SLC12A1: variants seen among roughly 807,000 people sequenced by gnomAD.
SLC12A1 encodes the protein solute carrier family 12 member 1.
SLC12A1 carries 89 observed loss-of-function variants against 130.4 expected under a neutral mutation model. That is an observed-to-expected ratio of 0.68 (90% confidence interval 0.58 to 0.81). SLC12A1 has a LOEUF of 0.81. SLC12A1 is among the 40% of genes least tolerant of loss of function. SLC12A1 has a pLI of 0.00. For synonymous variants in SLC12A1, 499 were observed against 460.0 expected (o/e 1.08, Z -1.09); for missense variants, 1,310 against 1,336.4 (o/e 0.98, Z 0.31).
intron 10 of SLC12A1, among the ~76,000 whole-genome samples, 170 bp downstream of exon 10, chr15:48,241,769 G>A (rs895996484): frequency 6.6e-6 from 1 of 152,154 alleles, no homozygotes; most frequent in Non-Finnish European, 1.5e-5. Context: ...GGGATTTGAA[G>A]GCAATTAAGC....
intron 9 of SLC12A1, among the ~76,000 whole-genome samples, chr15:48,240,024 T>C (rs1381721845): frequency 7.1e-5 from 3 of 42,196 alleles, no homozygotes; most frequent in Non-Finnish European, 1.6e-4. Flanking sequence ...TATATATATA[T>C]ATATCCATAT....
At chr15:48,278,854 G>T (rs1428795371) in intron 20 of SLC12A1, among the ~76,000 whole-genome samples, 1 of 152,134 alleles carries the variant, frequency 6.6e-6, no homozygotes, top group African/African-American at 2.4e-5. Flanking sequence ...CATCTGCCAA[G>T]ATGCACCATC....
At chr15:48,262,404 A>G (rs1033068834) in intron 17 of SLC12A1, among the ~76,000 whole-genome samples, 3 of 152,014 alleles carry the variant, frequency 2.0e-5, no homozygotes, top group African/African-American at 7.3e-5. Flanking sequence ...CAACTGCAGC[A>G]TGGTAAATCA....
At chr15:48,291,728 G>A (rs2042123292) in intron 23 of SLC12A1, 50 bp from the exon 24 acceptor site, 1 of 1,132,672 alleles carries the variant, frequency 8.8e-7, no homozygotes, top group African/African-American at 1.5e-5. Context: ...CTCTTTGATT[G>A]AAAATAGTTA....
chr15:48,247,320 CT>C lies in SLC12A1; in HGVS notation c.1561-16del. The C allele has an allele frequency of 6.3e-7, 1 of 1,594,438 alleles. No individual in the cohort carries two copies. The highest frequency in any genetic ancestry group is 8.5e-7 in the Non-Finnish European group (1 of 1,175,152). On this transcript the variant is annotated splice_polypyrimidine_tract_variant and intron_variant, in intron 12 of 26. Coordinates refer to ENST00000380993, the MANE Select transcript of SLC12A1 (RefSeq NM_000338.3). ...CATAGCTATAAATGACAAATTTCTT[CT>C]CTTCTTTTCCATTAGGCTCTGTGCA... is the stretch of plus-strand genomic sequence containing the variant.
At chr15:48,219,717 T>A (rs1336652612) in intron 2 of SLC12A1, among the ~76,000 whole-genome samples, 1 of 151,984 alleles carries the variant, frequency 6.6e-6, no homozygotes, top group Non-Finnish European at 1.5e-5. Context: ...CTCTTAAAGA[T>A]CCTCTGAGGT....
chr15:48,267,814 T>C (rs529859672), intron 18 of SLC12A1, 113 bp downstream of exon 18: 2 of 1,113,562 alleles, frequency 1.8e-6, no homozygotes, highest in East Asian at 2.4e-5. Flanking sequence ...CAGAGATCAG[T>C]GCAGATGGTT....
chr15:48,245,958 G>C lies in SLC12A1; in HGVS notation c.1453-951G>C, dbSNP rs571743826. ...AGTGCCAGAGGGAACGTAAATAAGG[G>C]GGAAGGAAAAATGGAAGTTAGGAAA... On this transcript the variant is annotated intron_variant, in intron 11 of 26. Transcript: ENST00000380993. Among the ~76,000 whole-genome samples, 121 of 152,156 alleles carry C rather than the reference G, an allele frequency of 8.0e-4. 1 individual carries two copies. The highest frequency in any genetic ancestry group is 2.8e-3 in the African/African-American group (118 of 41,458).
intron 23 of SLC12A1, 147 bp downstream of exon 23, chr15:48,288,663 G>T: frequency 1.8e-6 from 1 of 563,444 alleles, no homozygotes; most frequent in Admixed American, 3.2e-5. Context: ...TGGTTATCTG[G>T]TCAGTAAATT....
intron 2 of SLC12A1, among the ~76,000 whole-genome samples, chr15:48,214,603 T>C (rs1017769503): frequency 6.6e-6 from 1 of 152,210 alleles, no homozygotes; most frequent in African/African-American, 2.4e-5. Flanking sequence ...AAATATTGCC[T>C]TTTATCACAA....
chr15:48,286,155 T>C (rs2042055279), intron 21 of SLC12A1, among the ~76,000 whole-genome samples: 1 of 152,186 alleles, frequency 6.6e-6, no homozygotes, highest in South Asian at 2.1e-4. Flanking sequence ...TCCTACCCTG[T>C]AAATCGTTTG....
chr15:48,254,157 T>C (rs2041677636), intron 15 of SLC12A1, among the ~76,000 whole-genome samples: 1 of 150,700 alleles, frequency 6.6e-6, no homozygotes, highest in Non-Finnish European at 1.5e-5. Flanking sequence ...TAATTTATCT[T>C]TTTTTTTTAA....
At chr15:48,278,888 A>G (rs1270589634) in intron 20 of SLC12A1, among the ~76,000 whole-genome samples, 1 of 152,244 alleles carries the variant, frequency 6.6e-6, no homozygotes, top group East Asian at 1.9e-4. Flanking sequence ...AAAGCAATAC[A>G]GCAACCAAGT....
intron 2 of SLC12A1, among the ~76,000 whole-genome samples, chr15:48,209,459 G>A (rs1345323395): frequency 6.6e-6 from 1 of 152,060 alleles, no homozygotes; most frequent in Non-Finnish European, 1.5e-5. Flanking sequence ...GACCAGTTTG[G>A]AATAAATATC....
In SLC12A1 at chr15:48,289,431, T is replaced by TATATATATATATATATATATA. The variant is rs60463295; in HGVS notation, c.2873+915_2873+916insATATATATATATATATATATA. 3.3e-5 allele frequency among the ~76,000 whole-genome samples: 4 copies of TATATATATATATATATATATA among 122,324 alleles called. 1 individual carries two copies. Among genetic ancestry groups the TATATATATATATATATATATA allele is most frequent in the Admixed American group, 8.4e-5 (1 of 11,884 alleles). 80.2% of individuals were successfully genotyped at this position (122,324 alleles called of 152,430 possible). A position where few individuals can be genotyped will look rare whatever the true frequency, so the allele number is the denominator to read the frequency against. ...TATATATATATATATATATATATAA[T>TATATATATATATATATATATA]GTATAACTATGTATAACTGTATAAT... On this transcript the variant is annotated intron_variant, in intron 23 of 26. Coordinates refer to ENST00000380993, the MANE Select transcript of SLC12A1 (RefSeq NM_000338.3).
intron 19 of SLC12A1, among the ~76,000 whole-genome samples, chr15:48,270,974 A>G (rs2041892349): frequency 6.6e-6 from 1 of 150,918 alleles, no homozygotes; most frequent in African/African-American, 2.4e-5. Flanking sequence ...CTGTAATCCC[A>G]GCATTTTGGG....
chr15:48,301,293 C>G, intron 25 of SLC12A1, 22 bp from the exon 26 acceptor site: 1 of 1,569,226 alleles, frequency 6.4e-7, no homozygotes, highest in African/African-American at 1.4e-5. Flanking sequence ...CTGTACTCAA[C>G]AAATCTGAAT....
rs772821572 is a variant in SLC12A1, at chr15:48,246,896, C to G, written c.1453-13C>G. 2.8e-5 allele frequency: 45 copies of G among 1,591,382 alleles called. No individual in the cohort carries two copies. The highest frequency in any genetic ancestry group is 3.8e-5 in the Non-Finnish European group (44 of 1,159,292). The stretch of plus-strand genomic sequence containing the variant: ...TCACAGAAAGTCTCCTTACTTGTAC[C>G]TCTCTTCTCAAGGTCATGAGCATGG... On this transcript the variant is annotated splice_polypyrimidine_tract_variant and intron_variant, in intron 11 of 26. Transcript: ENST00000380993.
rs369897379 is a variant in SLC12A1 at position 48,283,868 on chromosome 15, TAAGCAAG to T, written c.2486-1226_2486-1220del. Among the ~76,000 whole-genome samples, 772 of 148,834 alleles carry T rather than the reference TAAGCAAG, an allele frequency of 5.2e-3. 8 individuals carry two copies. Among genetic ancestry groups the T allele is most frequent in the African/African-American group, 0.019 (752 of 39,510 alleles). The stretch of plus-strand genomic sequence containing the variant: ...GACAAGAGTGCCACCTCACCCAGTA[TAAGCAAG>T]AAGCAAGAAGCCTCCTAAGTGTAGC... On this transcript the variant is annotated intron_variant, in intron 20 of 26. Transcript: ENST00000380993.
Sources: allele counts gnomAD v4.1 joint callset (sites outside exome capture counted in the v4.1 genomes callset), GRCh38; gene constraint gnomAD v4.1.1; transcripts MANE v1.5; gene names NCBI Gene and HGNC (gene_info 2026-07-23, HGNC 2026-07-21).